SH3BP1: variants seen among roughly 807,000 people sequenced by gnomAD.
The protein encoded by SH3BP1 is SH3 domain binding protein 1, also known as SH3 domain-binding protein 1.
SH3BP1 carries 46 observed loss-of-function variants against 69.8 expected under a neutral mutation model. The observed-to-expected ratio is 0.66, with a 90% CI of 0.52 to 0.84. The LOEUF (loss-of-function observed/expected upper bound fraction) is 0.84. Ranked by LOEUF, SH3BP1 falls within the 40% of genes least tolerant of loss-of-function variation. The probability of loss-of-function intolerance (pLI) is 0.00; values close to 1 mark genes in which losing one functional copy is unlikely to be tolerated. For synonymous variants in SH3BP1, 403 were observed against 378.0 expected, an observed-to-expected ratio of 1.07 and a Z score of -0.77; for missense variants, 868 against 930.9, an observed-to-expected ratio of 0.93 and a Z score of 0.88.
intron 1 of SH3BP1, chr22:37,640,771 C>G (rs1443580644): frequency 3.0e-6 from 1 of 333,722 alleles, no homozygotes; most frequent in South Asian, 3.2e-5. Context: ...AGCTAATACT[C>G]CTCATCCCGG....
intron 17 of SH3BP1, among the ~76,000 whole-genome samples, chr22:37,655,046 CTGGGGTGGGGCA>C (rs1481349255): frequency 7.1e-6 from 1 of 141,734 alleles, no homozygotes; most frequent in Admixed American, 6.9e-5. Context: ...GACGGAGCAG[CTGGGGTGGGGCA>C]TGGGGTGGGA....
At chr22:37,640,574 G>C (rs1351275944) in intron 1 of SH3BP1, 1 of 155,214 alleles carries the variant, frequency 6.4e-6, no homozygotes, top group Non-Finnish European at 1.4e-5. Context: ...CCTGGTTCTA[G>C]TCTCACACTG....
At chr22:37,648,676 A>T in intron 14 of SH3BP1, 29 of 317,000 alleles carry the variant, frequency 9.1e-5, no homozygotes, top group East Asian at 1.6e-4. Context: ...GGCATGGGGG[A>T]GCTGGGAGCC....
At position 37,646,817 on chromosome 22, in the gene SH3BP1, G is replaced by C; in HGVS notation, c.925-1G>C. 1 of 1,524,186 alleles carries C rather than the reference G, an allele frequency of 6.6e-7. No homozygotes were observed. Among genetic ancestry groups the C allele is most frequent in the Non-Finnish European group, 8.8e-7 (1 of 1,138,480 alleles). 94.4% of individuals were successfully genotyped at this position (1,524,186 alleles called of 1,614,324 possible). A position where few individuals can be genotyped will look rare whatever the true frequency, so the allele number is the denominator to read the frequency against. Reference sequence around the variant, plus strand: ...CCTTGCCTGCCTCCTCTCGAACCCAGGGTCTCTTCCGTCTGGCTGCTGGGG... The same window carrying C: ...CCTTGCCTGCCTCCTCTCGAACCCACGGTCTCTTCCGTCTGGCTGCTGGGG... On this transcript the variant is annotated splice_acceptor_variant, in intron 10 of 17. Coordinates refer to ENST00000649765, the MANE Select transcript of SH3BP1 (RefSeq NM_018957.6). LOFTEE classifies it high-confidence loss of function.
At position 37,643,744 on chromosome 22, in the gene SH3BP1, A is replaced by G. The variant is rs1383822655; in HGVS notation, c.574A>G (p.Lys192Glu). 6.2e-7 allele frequency: 1 copy of G among 1,613,708 alleles called. No homozygotes were observed. Among genetic ancestry groups the G allele is most frequent in the Non-Finnish European group, 8.5e-7 (1 of 1,179,908 alleles). Residue 192 changes from lysine (K) to glutamate (E), a missense_variant, in exon 7 of 18, where the codon AAG becomes GAG. Transcript: ENST00000649765. ...CATGGCCAACAAGGTGGAGACGCTG[A>G]AGGAGGAGGAGGAGGAGCTGAAGAG... ...TTMANKVETL[K>E]EEEEELKRKV...
intron 17 of SH3BP1, 25 bp from the exon 18 acceptor site, chr22:37,655,247 C>T: frequency 6.4e-7 from 1 of 1,559,352 alleles, no homozygotes; most frequent in East Asian, 2.3e-5. Context: ...CACTCAGCCT[C>T]CCTCACCCTT....
chr22:37,641,108 C>CT lies in SH3BP1; in HGVS notation c.60-18_60-17insT. ...TCAGCAGAAGCACTCTCCCCCCCCC[C>CT]CCCACCACTCCCCGCAGCACCCCGG... On this transcript the variant is annotated splice_polypyrimidine_tract_variant and intron_variant, in intron 1 of 17. Transcript: ENST00000649765. 7.2e-7 allele frequency: 1 copy of CT among 1,388,464 alleles called. No homozygotes were observed. The highest frequency in any genetic ancestry group is 1.5e-5 in the African/African-American group (1 of 68,278). The allele number at this position is 1,388,464 out of a possible 1,614,324, so 86.0% of individuals were successfully genotyped here. A position where few individuals can be genotyped will look rare whatever the true frequency, so the allele number is the denominator to read the frequency against.
rs1249660403 is a variant in SH3BP1, at chr22:37,648,314, C to T, written c.1200-5C>T. On this transcript the variant is annotated splice_region_variant and splice_polypyrimidine_tract_variant and intron_variant, in intron 13 of 17. Transcript: ENST00000649765. The stretch of plus-strand genomic sequence containing the variant: ...CCCCTGGCCTAAGCCTGCCTCCGCC[C>T]TTAGGTACCTGATGAAGTTCCTGGC... 14 of 1,580,780 alleles carry T rather than the reference C, an allele frequency of 8.9e-6. No homozygotes were observed. Among genetic ancestry groups the T allele is most frequent in the Non-Finnish European group, 1.2e-5 (14 of 1,162,612 alleles).
chr22:37,641,104 C>G lies in SH3BP1; in HGVS notation c.60-22C>G, dbSNP rs564498679. 102 of 1,286,800 alleles carry G rather than the reference C, an allele frequency of 7.9e-5. 4 individuals carry two copies. The highest frequency in any genetic ancestry group is 2.1e-4 in the Middle Eastern group (1 of 4,760). The allele number at this position is 1,286,800 out of a possible 1,614,324, so 79.7% of individuals were successfully genotyped here. A position where few individuals can be genotyped will look rare whatever the true frequency, so the allele number is the denominator to read the frequency against. The stretch of plus-strand genomic sequence containing the variant: ...AGGCTCAGCAGAAGCACTCTCCCCC[C>G]CCCCCCCACCACTCCCCGCAGCACC... On this transcript the variant is annotated intron_variant, in intron 1 of 17. Coordinates refer to ENST00000649765, the MANE Select transcript of SH3BP1 (RefSeq NM_018957.6).
chr22:37,641,533 G>A (rs1601580238), intron 3 of SH3BP1, 55 bp downstream of exon 3: 1 of 1,413,166 alleles, frequency 7.1e-7, no homozygotes, highest in South Asian at 1.3e-5. Flanking sequence ...CCATCCAATG[G>A]GGAAGCAAGG....
Position 37,653,882 on chromosome 22 carries a change from G to A in SH3BP1, c.1693+9G>A, listed in dbSNP as rs887278496. On this transcript the variant is annotated intron_variant, in intron 17 of 17. Transcript: ENST00000649765. ...GGACATGGCTCGGAGGAGTGAGTTG[G>A]CTGTGGGAGGGGAGGAGGGGACAGA... The A allele has an allele frequency of 6.3e-7, 1 of 1,586,302 alleles. No homozygotes were observed. The highest frequency in any genetic ancestry group is 8.7e-7 in the Non-Finnish European group (1 of 1,155,950).
chr22:37,648,503 A>G (rs749740014), intron 14 of SH3BP1, 68 bp downstream of exon 14: 36 of 1,125,500 alleles, frequency 3.2e-5, no homozygotes, highest in Non-Finnish European at 4.4e-5. Context: ...TCTGTTGTCT[A>G]TTTTTCCCCG....
intron 13 of SH3BP1, 117 bp downstream of exon 13, chr22:37,647,638 GAA>G: frequency 1.6e-6 from 1 of 629,930 alleles, no homozygotes; most frequent in South Asian, 3.3e-5. Context: ...AAATATTACT[GAA>G]AATGCAGCTT....
Position 37,655,351 on chromosome 22 carries a change from C to G in SH3BP1, c.1773C>G (p.Pro591=). ...SGSRSSPPAP[P]LPPGSGSPGT... is the part of the protein sequence containing the mutation. Reference sequence around the variant, plus strand: ...CCCGCTCCTCCCCTCCAGCCCCGCCCTTGCCCCCTGGCTCTGGCAGCCCTG... The same window carrying G: ...CCCGCTCCTCCCCTCCAGCCCCGCCGTTGCCCCCTGGCTCTGGCAGCCCTG... The change falls in exon 18 of 18, where the codon CCC becomes CCG. Residue 591 remains proline (P), a synonymous_variant. Coordinates refer to ENST00000649765, the MANE Select transcript of SH3BP1 (RefSeq NM_018957.6). 1.4e-6 allele frequency: 2 copies of G among 1,472,284 alleles called. No homozygotes were observed. The highest frequency in any genetic ancestry group is 1.8e-6 in the Non-Finnish European group (2 of 1,097,198). The allele number at this position is 1,472,284 out of a possible 1,614,324, so 91.2% of individuals were successfully genotyped here. A position where few individuals can be genotyped will look rare whatever the true frequency, so the allele number is the denominator to read the frequency against.
intron 17 of SH3BP1, among the ~76,000 whole-genome samples, chr22:37,654,493 C>T (rs1932961005): frequency 6.6e-6 from 1 of 151,984 alleles, no homozygotes; most frequent in Non-Finnish European, 1.5e-5. Flanking sequence ...ATCACTTGAA[C>T]CCGGGAGGCA....
intron 10 of SH3BP1, 48 bp from the exon 11 acceptor site, chr22:37,646,770 G>C (rs926421382): frequency 8.0e-7 from 1 of 1,254,924 alleles, no homozygotes; most frequent in Admixed American, 2.6e-5. Flanking sequence ...AGGGTGTCCT[G>C]CCCTGCCCAC....
chr22:37,642,397 G>A (rs899403754), intron 3 of SH3BP1, 142 bp from the exon 4 acceptor site: 19 of 715,484 alleles, frequency 2.7e-5, no homozygotes, highest in African/African-American at 1.6e-4. Flanking sequence ...CCCCCACCAC[G>A]CCTTGTCATC....
chr22:37,649,937 AG>A (rs1384494561), intron 14 of SH3BP1: 2 of 662,628 alleles, frequency 3.0e-6, no homozygotes, highest in Non-Finnish European at 5.6e-6. Flanking sequence ...TATGAGGAAA[AG>A]GGTCCTTGAT....
At chr22:37,642,358 G>T in intron 3 of SH3BP1, 181 bp from the exon 4 acceptor site, 1 of 605,870 alleles carries the variant, frequency 1.7e-6, no homozygotes, top group Non-Finnish European at 2.9e-6. Context: ...ATGGAGAGGG[G>T]CTCCATCCAT....
Sources: allele counts gnomAD v4.1 joint callset (sites outside exome capture counted in the v4.1 genomes callset), GRCh38; gene constraint gnomAD v4.1.1; transcripts MANE v1.5; gene names NCBI Gene and HGNC (gene_info 2026-07-23, HGNC 2026-07-21).